MED14: variants seen among roughly 807,000 people sequenced by gnomAD.
The protein encoded by MED14 is mediator of RNA polymerase II transcription subunit 14.
MED14 carries 8 observed loss-of-function variants against 109.0 expected under a neutral mutation model. The ratio of observed to expected loss-of-function variants is 0.07; its 90% CI spans 0.04 to 0.13. MED14 has a LOEUF of 0.13. MED14 is among the 10% of genes least tolerant of loss of function. MED14 has a pLI of 1.00. For synonymous variants in MED14, 399 were observed against 408.7 expected, an observed-to-expected ratio of 0.98 and a Z score of 0.29; for missense variants, 711 against 1,142.4, an observed-to-expected ratio of 0.62 and a Z score of 5.44.
At chrX:40,716,525 C>T (rs1179949788) in intron 3 of MED14, among the ~76,000 whole-genome samples, 2 of 107,103 alleles carry the variant, frequency 1.9e-5, no homozygotes, top group African/African-American at 3.4e-5. Flanking sequence ...AGGAGGTTGA[C>T]GCTGCAAAGA....
intron 28 of MED14, among the ~76,000 whole-genome samples, chrX:40,658,271 T>C (rs1205726263): frequency 9.1e-6 from 1 of 109,401 alleles, no homozygotes; most frequent in Non-Finnish European, 1.9e-5. Flanking sequence ...TTAGTATTTT[T>C]AGTAGAGACA....
intron 3 of MED14, among the ~76,000 whole-genome samples, chrX:40,721,252 GAGGGAAGCCCACTGCCCTGAA>G (rs1239850879): frequency 9.0e-6 from 1 of 111,633 alleles, no homozygotes; most frequent in African/African-American, 3.3e-5. Context: ...CCCAGAGCCA[GAGGGAAGCCCACTGCCCTGAA>G]AGATGAGTCC....
chrX:40,732,679 C>G (rs1932117769), intron 1 of MED14, among the ~76,000 whole-genome samples: 2 of 110,602 alleles, frequency 1.8e-5, no homozygotes, highest in African/African-American at 6.6e-5. Context: ...ATTTGGGAGG[C>G]TGAGGCAGGA....
At chrX:40,692,087 C>G in intron 15 of MED14, 96 bp downstream of exon 15, 2 of 813,113 alleles carry the variant, frequency 2.5e-6, no homozygotes, top group Non-Finnish European at 3.5e-6. Context: ...CACAAACATT[C>G]TGCTTTTCCT....
At chrX:40,735,004 T>C (rs754825468) in intron 1 of MED14, among the ~76,000 whole-genome samples, 194 bp downstream of exon 1, 2 of 111,917 alleles carry the variant, frequency 1.8e-5, no homozygotes, top group Admixed American at 9.4e-5. Context: ...AAGTCTCTGT[T>C]GCATCGTTGC....
chrX:40,730,157 C>T (rs762920350), intron 1 of MED14, among the ~76,000 whole-genome samples: 107 of 112,142 alleles, frequency 9.5e-4, no homozygotes, highest in African/African-American at 3.3e-3. Context: ...CACCCACGTG[C>T]CACAGGAACA....
chrX:40,696,132 G>A (rs1309620929), intron 13 of MED14, among the ~76,000 whole-genome samples: 2 of 104,902 alleles, frequency 1.9e-5, no homozygotes, highest in East Asian at 6.0e-4. Context: ...TATATACAGA[G>A]ATTTTTTTTT....
At chrX:40,663,210 A>C in intron 25 of MED14, 50 bp from the exon 26 acceptor site, 9 of 940,459 alleles carry the variant, frequency 9.6e-6, no homozygotes, top group Non-Finnish European at 1.2e-5. Flanking sequence ...ATACTATCTC[A>C]TTGCTTCCTG....
Position 40,662,939 on chromosome X carries a change from T to C in MED14, c.3670A>G (p.Ile1224Val). ...GGTACCCATACCGTTTCTTGTTGAATAATTCTTTGAAGATGTCGTCTCATG... is the reference window on the plus strand; with the variant it reads ...GGTACCCATACCGTTTCTTGTTGAACAATTCTTTGAAGATGTCGTCTCATG... The part of the protein sequence containing the change: ...VIMRRHLQRI[I>V]QQETLQLINS... Residue 1224 changes from isoleucine (I) to valine (V), a missense_variant, in exon 26 of 31, where the codon ATT becomes GTT. By Grantham distance (29) the Ile-to-Val change is conservative (BLOSUM62 3). Coordinates refer to ENST00000324817, the MANE Select transcript of MED14 (RefSeq NM_004229.4). 1 of 1,207,552 alleles carries C rather than the reference T, an allele frequency of 8.3e-7. No individual in the cohort carries two copies. The highest frequency in any genetic ancestry group is 3.0e-5 in the East Asian group (1 of 33,822).
chrX:40,712,272 C>T lies in MED14; in HGVS notation c.803G>A (p.Ser268Asn). The change falls in exon 7 of 31, where the codon AGC becomes AAC. Residue 268 changes from serine (S) to asparagine (N), a missense_variant. This residue lies in a region of MED14 where 388 missense variants were observed against 517.3 expected (regional missense o/e 0.75). Transcript: ENST00000324817. Reference sequence around the variant, plus strand: ...TTGATGGATGAAGCTGATTTGCATGCTATGAACCAAAGCTCGCCCATCTTC... The same window carrying T: ...TTGATGGATGAAGCTGATTTGCATGTTATGAACCAAAGCTCGCCCATCTTC... ...ETGDGRALVH[S>N]MQISFIHQLV... 8.3e-7 allele frequency: 1 copy of T among 1,206,275 alleles called. No individual in the cohort carries two copies. The highest frequency in any genetic ancestry group is 1.1e-6 in the Non-Finnish European group (1 of 892,760).
At chrX:40,707,050 CAGGAGCAT>C (rs1177701015) in intron 10 of MED14, among the ~76,000 whole-genome samples, 1 of 110,175 alleles carries the variant, frequency 9.1e-6, no homozygotes, top group Non-Finnish European at 1.9e-5. Context: ...TGCTTGAGCC[CAGGAGCAT>C]AAGACCAGCC....
Position 40,729,304 on chromosome X carries a change from T to C in MED14, c.242+15A>G, listed in dbSNP as rs1226172170. 1 of 1,194,404 alleles carries C rather than the reference T, an allele frequency of 8.4e-7. No individual in the cohort carries two copies. Among genetic ancestry groups the C allele is most frequent in the African/African-American group, 1.8e-5 (1 of 56,418 alleles). On this transcript the variant is annotated intron_variant, in intron 2 of 30. Transcript: ENST00000324817. Reference sequence around the variant, plus strand: ...CAATAAAGAGACTTTAAGGGTTTTTTTTTTCCATACTCACCTTTCCACATC... The same window carrying C: ...CAATAAAGAGACTTTAAGGGTTTTTCTTTTCCATACTCACCTTTCCACATC...
chrX:40,654,843 A>G (rs1035990232), intron 29 of MED14, 92 bp downstream of exon 29: 2 of 1,061,331 alleles, frequency 1.9e-6, no homozygotes, highest in African/African-American at 3.7e-5. Context: ...GCAACAAGAG[A>G]TAATTTATGC....
intron 16 of MED14, among the ~76,000 whole-genome samples, chrX:40,687,901 G>A (rs191848849): frequency 8.9e-6 from 1 of 112,088 alleles, no homozygotes; most frequent in Admixed American, 9.5e-5. Context: ...TCAAAGAAAT[G>A]CAGAGAAAAG....
intron 3 of MED14, among the ~76,000 whole-genome samples, chrX:40,725,474 C>T (rs1931862383): frequency 2.7e-5 from 3 of 111,875 alleles, no homozygotes; most frequent in South Asian, 3.6e-4. Context: ...TTAAAAAGAT[C>T]GTTCATCATG....
chrX:40,650,871 G>A lies in MED14; in HGVS notation c.*935C>T, dbSNP rs1216882352. The A allele has an allele frequency of 8.0e-6, 6 of 751,226 alleles. No individual in the cohort carries two copies. In the East Asian group the frequency reaches 7.5e-4, roughly 94 times the overall value. 61.9% of individuals were successfully genotyped at this position (751,226 alleles called of 1,213,427 possible). A position where few individuals can be genotyped will look rare whatever the true frequency, so the allele number is the denominator to read the frequency against. ...CTTCATGCAGAGGTACAGCATTAAAGTTCTTTGTTTCCTAATTAATGTTGT... is the reference window on the plus strand; with the variant it reads ...CTTCATGCAGAGGTACAGCATTAAAATTCTTTGTTTCCTAATTAATGTTGT... On this transcript the variant is annotated 3_prime_UTR_variant, in exon 31 of 31. Transcript: ENST00000324817.
intron 12 of MED14, among the ~76,000 whole-genome samples, chrX:40,700,127 C>T: frequency 9.1e-6 from 1 of 109,665 alleles, no homozygotes; most frequent in Middle Eastern, 4.7e-3. Flanking sequence ...CCAGCCCGGG[C>T]AAGAGAGTGA....
intron 3 of MED14, chrX:40,714,986 T>C (rs747254917): frequency 4.2e-6 from 1 of 239,758 alleles, no homozygotes; most frequent in African/African-American, 2.9e-5. Flanking sequence ...ATATCAAAGT[T>C]AGGAAAAATA....
chrX:40,673,118 T>C (rs1204473482), intron 22 of MED14, among the ~76,000 whole-genome samples: 1 of 111,949 alleles, frequency 8.9e-6, no homozygotes, highest in East Asian at 2.8e-4. Flanking sequence ...AATAGAAGCA[T>C]AGCACAGATA....
Sources: allele counts gnomAD v4.1 joint callset (sites outside exome capture counted in the v4.1 genomes callset), GRCh38; gene constraint gnomAD v4.1.1; regional missense constraint gnomAD v4.1.1; transcripts MANE v1.5; gene names NCBI Gene and HGNC (gene_info 2026-07-23, HGNC 2026-07-21).